SLC5A7: variants seen among roughly 807,000 people sequenced by gnomAD.
SLC5A7 encodes the protein solute carrier family 5 member 7.
A neutral mutation model predicts 55.4 loss-of-function variants in SLC5A7; 19 were observed. The ratio of observed to expected loss-of-function variants is 0.34; its 90% CI spans 0.24 to 0.50. The LOEUF is 0.50. SLC5A7 is among the 20% of genes least tolerant of loss of function. SLC5A7 has a pLI of 0.98. For synonymous variants in SLC5A7, 265 were observed against 263.7 expected (o/e 1.00, Z -0.05); for missense variants, 506 against 705.3 (o/e 0.72, Z 3.20).
At chr2:108,007,272 T>G (rs1276515515) in intron 7 of SLC5A7, among the ~76,000 whole-genome samples, 1 of 152,132 alleles carries the variant, frequency 6.6e-6, no homozygotes, top group East Asian at 1.9e-4. Context: ...GACTTTCGAT[T>G]AGTAGAGTCT....
Position 108,010,457 on chromosome 2 carries a change from A to C in SLC5A7, c.1339A>C (p.Ile447Leu). Reference protein sequence around the residue: ...AGYVSGLFLRITGGEPYLYLQ... With the variant: ...AGYVSGLFLRLTGGEPYLYLQ... ...TTATGTTTCTGGCCTCTTCCTGAGA[A>C]TAACTGGAGGGGAGCCATATCTGTA... The change falls in exon 9 of 9, where the codon ATA (isoleucine) becomes CTA (leucine). Residue 447 changes from isoleucine (I) to leucine (L), a missense_variant. Around this residue, in one of 4 missense-constraint regions of SLC5A7, gnomAD observed 309 missense variants for 478.6 expected, o/e 0.65. Coordinates refer to ENST00000264047, the MANE Select transcript of SLC5A7 (RefSeq NM_021815.5). 6.2e-7 allele frequency: 1 copy of C among 1,613,912 alleles called. No homozygotes were observed. The highest frequency in any genetic ancestry group is 1.1e-5 in the South Asian group (1 of 91,082).
chr2:108,001,281 T>C (rs973649854), intron 5 of SLC5A7, among the ~76,000 whole-genome samples: 8 of 151,998 alleles, frequency 5.3e-5, no homozygotes, highest in African/African-American at 1.9e-4. Context: ...GATAGATACA[T>C]AGATAGATTG....
chr2:108,002,267 G>T (rs1168266860), intron 6 of SLC5A7, among the ~76,000 whole-genome samples: 2 of 152,108 alleles, frequency 1.3e-5, no homozygotes, highest in East Asian at 3.9e-4. Context: ...GGTGTTCTGG[G>T]TGGTGGGTCC....
Position 107,993,070 on chromosome 2 carries a change from T to A in SLC5A7, c.391T>A (p.Phe131Ile). 2 of 1,614,222 alleles carry A rather than the reference T, an allele frequency of 1.2e-6. No individual in the cohort carries two copies. Among genetic ancestry groups the A allele is most frequent in the Non-Finnish European group, 1.7e-6 (2 of 1,180,030 alleles). ...IYGKRMGGLL[F>I]IPALMGEMFW... ...TGGAAAACGCATGGGCGGACTCCTG[T>A]TTATTCCTGCACTGATGGGAGAAAT... Residue 131 changes from phenylalanine (F) to isoleucine (I), a missense_variant, in exon 4 of 9, where the codon TTT becomes ATT. Physicochemically the swap from Phe to Ile is conservative, Grantham distance 21 (BLOSUM62 0). This residue lies in a region of SLC5A7 where 309 missense variants were observed against 478.6 expected (regional missense o/e 0.65). Transcript: ENST00000264047.
At position 107,997,844 on chromosome 2, in the gene SLC5A7, C is replaced by A; in HGVS notation, c.455C>A (p.Thr152Asn). The part of the protein sequence containing the change: ...AAAIFSALGA[T>N]ISVIIDVDMH... Reference sequence around the variant, plus strand: ...ACTCTCTTGTTTGTTTCAGGAGCCACCATCAGCGTGATCATCGATGTGGAT... The same window carrying A: ...ACTCTCTTGTTTGTTTCAGGAGCCAACATCAGCGTGATCATCGATGTGGAT... The change falls in exon 5 of 9, where the codon ACC becomes AAC. Residue 152 changes from threonine to asparagine, a missense_variant. Thr to Asn is a moderately conservative substitution (Grantham distance 65). Transcript: ENST00000264047. The A allele has an allele frequency of 6.2e-7, 1 of 1,608,434 alleles. No individual in the cohort carries two copies. The highest frequency in any genetic ancestry group is 8.5e-7 in the Non-Finnish European group (1 of 1,177,052).
intron 6 of SLC5A7, among the ~76,000 whole-genome samples, chr2:108,002,967 G>C (rs1420935752): frequency 6.6e-6 from 1 of 152,146 alleles, no homozygotes; most frequent in Non-Finnish European, 1.5e-5. Context: ...ATGACTTTGT[G>C]ATCGTGGCAC....
At chr2:107,990,042 G>A (rs1677391213) in intron 2 of SLC5A7, among the ~76,000 whole-genome samples, 1 of 151,844 alleles carries the variant, frequency 6.6e-6, no homozygotes, top group Admixed American at 6.6e-5. Flanking sequence ...TTTAAAATCT[G>A]AACCATACTA....
At chr2:107,995,460 A>AGTGT (rs1178952171) in intron 4 of SLC5A7, among the ~76,000 whole-genome samples, 3 of 125,510 alleles carry the variant, frequency 2.4e-5, no homozygotes, top group Admixed American at 8.7e-5. Context: ...AGAGAGAGAG[A>AGTGT]GAGAGAGAGA....
chr2:107,996,705 T>C (rs1677684965), intron 4 of SLC5A7, among the ~76,000 whole-genome samples: 1 of 152,166 alleles, frequency 6.6e-6, no homozygotes, highest in Admixed American at 6.5e-5. Context: ...TGGTCATACC[T>C]CAATATGTTC....
At chr2:107,993,189 C>G in intron 4 of SLC5A7, 62 bp downstream of exon 4, 3 of 1,574,700 alleles carry the variant, frequency 1.9e-6, no homozygotes, top group Non-Finnish European at 2.6e-6. Context: ...AGATACACAA[C>G]CTTACTTTCC....
At chr2:108,003,179 G>A (rs1389456499) in intron 6 of SLC5A7, among the ~76,000 whole-genome samples, 1 of 152,130 alleles carries the variant, frequency 6.6e-6, no homozygotes, top group Non-Finnish European at 1.5e-5. Context: ...GAAGGAGTAA[G>A]AGTAAATATG....
chr2:108,008,964 G>A (rs1481322050), intron 8 of SLC5A7, among the ~76,000 whole-genome samples: 1 of 151,780 alleles, frequency 6.6e-6, no homozygotes, highest in Non-Finnish European at 1.5e-5. Context: ...TCTTTCTGAT[G>A]AAAGAGTAAT....
In SLC5A7 at chr2:108,003,226, G is replaced by A. The variant is rs554420991; in HGVS notation, c.741+1186G>A. On this transcript the variant is annotated intron_variant, in intron 6 of 8. Transcript: ENST00000264047. ...ATACCTGCATAGTAGATGTGCTTAT[G>A]GTTACATCATAGAGAGGATGAGACT... is the stretch of plus-strand genomic sequence containing the variant. Among the ~76,000 whole-genome samples the A allele has an allele frequency of 3.2e-4, 49 of 152,238 alleles. No individual in the cohort carries two copies. In the South Asian group the frequency reaches 3.5e-3, roughly 11 times the overall value.
At chr2:108,005,907 C>A in intron 6 of SLC5A7, 142 bp from the exon 7 acceptor site, 2 of 911,612 alleles carry the variant, frequency 2.2e-6, no homozygotes, top group South Asian at 1.8e-5. Context: ...CATAATGATA[C>A]TAATTGATAT....
At chr2:108,005,996 C>T (rs1291980832) in intron 6 of SLC5A7, 53 bp from the exon 7 acceptor site, 1 of 1,604,262 alleles carries the variant, frequency 6.2e-7, no homozygotes, top group Non-Finnish European at 8.5e-7. Context: ...CAATAAAACT[C>T]TTTAAAAAAA....
intron 7 of SLC5A7, 37 bp downstream of exon 7, chr2:108,006,239 G>A (rs1678117479): frequency 1.9e-6 from 3 of 1,610,696 alleles, no homozygotes; most frequent in African/African-American, 1.3e-5. Flanking sequence ...GTGCCAGTTA[G>A]TTTACCAATC....
At position 108,012,871 on chromosome 2, in the gene SLC5A7, T is replaced by C. The variant is rs1045819834; in HGVS notation, c.*2010T>C. 4 of 152,150 alleles carry C rather than the reference T, an allele frequency of 2.6e-5. No homozygotes were observed. Among genetic ancestry groups the C allele is most frequent in the African/African-American group, 9.7e-5 (4 of 41,446 alleles). 9.4% of individuals were successfully genotyped at this position (152,150 alleles called of 1,614,324 possible). ...ATAAAAGTAATTAATTGCTGGAGAC[T>C]ACAATTCCTGGCAAACACCATTATT... On this transcript the variant is annotated 3_prime_UTR_variant, in exon 9 of 9. Coordinates refer to ENST00000264047, the MANE Select transcript of SLC5A7 (RefSeq NM_021815.5).
intron 6 of SLC5A7, among the ~76,000 whole-genome samples, chr2:108,004,214 C>T (rs1678022171): frequency 6.6e-6 from 1 of 152,076 alleles, no homozygotes; most frequent in South Asian, 2.1e-4. Context: ...CCTAAATGTC[C>T]AGGGTGATGA....
At chr2:108,008,234 T>TA (rs1027548422) in intron 7 of SLC5A7, among the ~76,000 whole-genome samples, 30 of 152,178 alleles carry the variant, frequency 2.0e-4, no homozygotes, top group Admixed American at 9.2e-4. Flanking sequence ...ATATATATCT[T>TA]ACCACCAGTG....
Sources: gnomAD v4.1 joint callset for allele counts (sites outside exome capture counted in the v4.1 genomes callset) on GRCh38, gnomAD v4.1.1 for gene constraint, gnomAD v4.1.1 regional missense constraint, MANE v1.5 for transcripts, NCBI Gene and HGNC (gene_info 2026-07-23, HGNC 2026-07-21) for gene names.